Variants in MBP observed in about 807,000 individuals in gnomAD.
MBP encodes the protein myelin basic protein.
Under a neutral mutation model 35.8 loss-of-function variants are expected in MBP, and 16 were observed. The observed-to-expected ratio is 0.45, with a 90% CI of 0.30 to 0.68. The LOEUF is 0.68. Among genes scored for constraint, MBP ranks in the 30% least tolerant of loss-of-function variants. The probability of loss-of-function intolerance (pLI) is 0.08; values close to 1 mark genes in which losing one functional copy is unlikely to be tolerated. For missense variants in MBP, 380 were observed against 404.7 expected, an observed-to-expected ratio of 0.94 and a Z score of 0.52; for synonymous variants, 143 against 159.6, an observed-to-expected ratio of 0.90 and a Z score of 0.78.
At position 77,075,526 on chromosome 18, in the gene MBP, G is replaced by C. The variant is rs191516116; in HGVS notation, c.52-9141C>G. Among the ~76,000 whole-genome samples, 574 of 152,316 alleles carry C rather than the reference G, an allele frequency of 3.8e-3. 13 individuals are homozygous for C. Among genetic ancestry groups the C allele is most frequent in the Non-Finnish European group, 7.9e-4 (54 of 68,038 alleles). ...GGAGTGGCGCTGAAGCTCCCAGGGTGGGGGAGAGGATGGGGTTGAGGGTGC... is the reference window on the plus strand; with the variant it reads ...GGAGTGGCGCTGAAGCTCCCAGGGTCGGGGAGAGGATGGGGTTGAGGGTGC... On this transcript the variant is annotated intron_variant, in intron 2 of 8. Transcript: ENST00000355994.
At chr18:77,108,364 A>C (rs1385139669) in intron 1 of MBP, 1 of 152,232 alleles carries the variant, frequency 6.6e-6, no homozygotes, top group African/African-American at 2.4e-5. Context: ...CTGCAAGGAA[A>C]GTCAGCTGAC....
intron 3 of MBP, among the ~76,000 whole-genome samples, chr18:77,040,594 T>A (rs1434676741): frequency 1.3e-5 from 2 of 152,160 alleles, no homozygotes; most frequent in African/African-American, 4.8e-5. Flanking sequence ...TGTAGACCAA[T>A]GGAACAGAAC....
At position 76,993,418 on chromosome 18, in the gene MBP, G is replaced by A. The variant is rs576139737; in HGVS notation, c.577-3358C>T. 5.1e-4 allele frequency among the ~76,000 whole-genome samples: 78 copies of A among 152,174 alleles called. 1 individual carries two copies. Among genetic ancestry groups the A allele is most frequent in the East Asian group, 3.7e-3 (19 of 5,178 alleles). Reference sequence around the variant, plus strand: ...ATACAAAAAATTAGCCAGGCTTGGCGTCGTGTGCCTATAGTCCCAGCTTCA... The same window carrying A: ...ATACAAAAAATTAGCCAGGCTTGGCATCGTGTGCCTATAGTCCCAGCTTCA... On this transcript the variant is annotated intron_variant, in intron 4 of 8. Transcript: ENST00000355994.
intron 4 of MBP, chr18:77,014,649 G>A: frequency 1.0e-6 from 1 of 985,434 alleles, no homozygotes; most frequent in African/African-American, 1.7e-5. Flanking sequence ...GGCCATTGCG[G>A]GTCTGTAGCT....
At position 76,980,054 on chromosome 18, in the gene MBP, C is replaced by G. The variant is rs1051363385; in HGVS notation, c.*373G>C. On this transcript the variant is annotated 3_prime_UTR_variant, in exon 9 of 9. Transcript: ENST00000355994. ...AGCTGTGTGCCTCCATGGCAGTGAC[C>G]AGCAAAAGCGCAAGGGTGCCGCAGC... The G allele has an allele frequency of 7.1e-6, 5 of 701,922 alleles. No individual in the cohort carries two copies. In the Admixed American group the frequency reaches 1.0e-4, roughly 14 times the overall value. The allele number at this position is 701,922 out of a possible 1,614,324, so 43.5% of individuals were successfully genotyped here.
upstream of MBP, among the ~76,000 whole-genome samples, chr18:77,133,331 G>T (rs1157536045): frequency 6.6e-6 from 1 of 152,166 alleles, no homozygotes; most frequent in Non-Finnish European, 1.5e-5. Context: ...TGGGAGCTGG[G>T]AGCTGGGAGC....
intron 4 of MBP, among the ~76,000 whole-genome samples, chr18:77,012,134 A>G (rs1971388652): frequency 6.6e-6 from 1 of 152,264 alleles, no homozygotes; most frequent in African/African-American, 2.4e-5. Flanking sequence ...CCAATCACTT[A>G]TCTTTACTCT....
intron 4 of MBP, among the ~76,000 whole-genome samples, chr18:77,011,155 T>C (rs2123415007): frequency 6.6e-6 from 1 of 152,306 alleles, no homozygotes; most frequent in East Asian, 1.9e-4. Flanking sequence ...GGATTCTCCC[T>C]GCATGAGAGA....
In MBP at chr18:77,068,755, C is replaced by T. The variant is rs149878696; in HGVS notation, c.52-2370G>A. Among the ~76,000 whole-genome samples the T allele has an allele frequency of 2.6e-3, 402 of 152,326 alleles. 3 individuals are homozygous for T. Among genetic ancestry groups the T allele is most frequent in the African/African-American group, 9.1e-3 (378 of 41,582 alleles). ...CAATGAAATGCAGAGAATGTTCAAA[C>T]TCACTAGTAATCAGAGAAATACAGA... On this transcript the variant is annotated intron_variant, in intron 2 of 8. Coordinates refer to ENST00000355994, the MANE Select transcript of MBP (RefSeq NM_001025101.2).
intron 2 of MBP, among the ~76,000 whole-genome samples, chr18:77,082,151 C>T (rs1461832818): frequency 1.3e-5 from 2 of 152,066 alleles, no homozygotes; most frequent in Admixed American, 1.3e-4. Flanking sequence ...TGCGCCCGGC[C>T]CATAGCAGCA....
chr18:77,087,820 A>G (rs1404302231), intron 2 of MBP, among the ~76,000 whole-genome samples: 1 of 151,860 alleles, frequency 6.6e-6, no homozygotes, highest in Non-Finnish European at 1.5e-5. Flanking sequence ...GGCAGCTGGG[A>G]GCACCCCACG....
rs1976040320 is a variant in MBP at position 77,102,059 on chromosome 18, C to T, written c.51+3152G>A. Among the ~76,000 whole-genome samples, 1 of 152,032 alleles carries T rather than the reference C, an allele frequency of 6.6e-6. No individual in the cohort carries two copies. Among genetic ancestry groups the T allele is most frequent in the Non-Finnish European group, 1.5e-5 (1 of 68,018 alleles). ...AGAAGTCGGATGATAAACAAATCAC[C>T]AGGATCTGTATCAGAGCACTCAGCC... On this transcript the variant is annotated intron_variant, in intron 2 of 8. Coordinates refer to ENST00000355994, the MANE Select transcript of MBP (RefSeq NM_001025101.2). This position sits in a 1 kb window ranked among gnomAD's most constrained non-coding sequence, Gnocchi z 4.4.
Position 77,044,122 on chromosome 18 carries a change from C to A in MBP, c.139+22176G>T, listed in dbSNP as rs901528473. Reference sequence around the variant, plus strand: ...ACCTCCCCCGATGCCCTCCACGCTGCACACTGGGCTGGTCTGCAGAGGTCG... The same window carrying A: ...ACCTCCCCCGATGCCCTCCACGCTGAACACTGGGCTGGTCTGCAGAGGTCG... On this transcript the variant is annotated intron_variant, in intron 3 of 8. Transcript: ENST00000355994. The surrounding 1 kb of genome is among the most constrained non-coding windows in gnomAD (Gnocchi z 4.4). Among the ~76,000 whole-genome samples, 7 of 152,148 alleles carry A rather than the reference C, an allele frequency of 4.6e-5. No homozygotes were observed. The highest frequency in any genetic ancestry group is 8.8e-5 in the Non-Finnish European group (6 of 68,028).
rs974153347 is a variant in MBP at position 76,979,858 on chromosome 18, G to A, written c.*569C>T. ...TTGGACTCTAACAGCTGCCCAGCCCGCATGTCACATACCAAAAGCTCCCAC... is the reference window on the plus strand; with the variant it reads ...TTGGACTCTAACAGCTGCCCAGCCCACATGTCACATACCAAAAGCTCCCAC... On this transcript the variant is annotated 3_prime_UTR_variant, in exon 9 of 9. Transcript: ENST00000355994. 9 of 669,806 alleles carry A rather than the reference G, an allele frequency of 1.3e-5. No homozygotes were observed. The highest frequency in any genetic ancestry group is 5.4e-5 in the African/African-American group (3 of 55,790). The allele number at this position is 669,806 out of a possible 1,614,324, so 41.5% of individuals were successfully genotyped here. A position where few individuals can be genotyped will look rare whatever the true frequency, so the allele number is the denominator to read the frequency against.
intron 1 of MBP, chr18:77,109,737 A>G (rs1013845226): frequency 6.6e-6 from 1 of 152,218 alleles, no homozygotes; most frequent in African/African-American, 2.4e-5. Flanking sequence ...CAGGTGCCAT[A>G]ATGCAAGGTC....
chr18:77,013,328 C>T, intron 4 of MBP: 1 of 985,398 alleles, frequency 1.0e-6, no homozygotes, highest in African/African-American at 1.7e-5. Flanking sequence ...GGAGGACACC[C>T]CTGTGTGTTG....
chr18:77,085,207 A>C (rs1472596859), intron 2 of MBP, among the ~76,000 whole-genome samples: 1 of 152,168 alleles, frequency 6.6e-6, no homozygotes, highest in African/African-American at 2.4e-5. Context: ...AAAAAAAAAC[A>C]GTCCTACTTA....
chr18:77,067,499 CA>C (rs1367305451), intron 2 of MBP, among the ~76,000 whole-genome samples: 1 of 152,240 alleles, frequency 6.6e-6, no homozygotes, highest in Non-Finnish European at 1.5e-5. Flanking sequence ...AGCTTGTTCA[CA>C]TTTGTGTTTT....
intron 1 of MBP, among the ~76,000 whole-genome samples, chr18:77,123,557 A>G (rs1341970911): frequency 6.6e-6 from 1 of 152,182 alleles, no homozygotes; most frequent in Non-Finnish European, 1.5e-5. Flanking sequence ...CAGCAATCCT[A>G]AGTTAACCCG....
Sources: allele counts gnomAD v4.1 joint callset (sites outside exome capture counted in the v4.1 genomes callset), GRCh38; gene constraint gnomAD v4.1.1; non-coding constraint Gnocchi (gnomAD v3.1); transcripts MANE v1.5; gene names NCBI Gene and HGNC (gene_info 2026-07-23, HGNC 2026-07-21).